Variants in C1orf21 observed in about 807,000 individuals in gnomAD.
The protein encoded by C1orf21 is uncharacterized protein C1orf21.
A neutral mutation model predicts 18.7 loss-of-function variants in C1orf21; 3 were observed. That is an observed-to-expected ratio of 0.16 (90% CI 0.07 to 0.42). The LOEUF is 0.42. Ranked by LOEUF, C1orf21 falls within the 10% of genes least tolerant of loss-of-function variation. C1orf21 has a pLI of 0.99. For synonymous variants in C1orf21, 41 were observed against 46.4 expected (o/e 0.88, Z 0.47); for missense variants, 104 against 143.6 (o/e 0.72, Z 1.41).
chr1:184,455,074 C>G (rs1174045258), intron 1 of C1orf21, among the ~76,000 whole-genome samples: 1 of 152,130 alleles, frequency 6.6e-6, no homozygotes, highest in Non-Finnish European at 1.5e-5. Flanking sequence ...CTCAGTGAAT[C>G]TGCATTTCTG....
At position 184,460,614 on chromosome 1, in the gene C1orf21, GTCGTCGTCTTCTTCTTCTTCTTCTTCT is replaced by G. The variant is rs1168906059; in HGVS notation, c.-124-16769_-124-16743del. On this transcript the variant is annotated intron_variant, in intron 1 of 5. Transcript: ENST00000235307. The stretch of plus-strand genomic sequence containing the variant: ...CTGGAGTTGGGCTGTTAGTATTGTC[GTCGTCGTCTTCTTCTTCTTCTTCTTCT>G]TCTTCTTCTTCTTCTTCTTCTTCTT... Among the ~76,000 whole-genome samples, 912 of 127,294 alleles carry G rather than the reference GTCGTCGTCTTCTTCTTCTTCTTCTTCT, an allele frequency of 7.2e-3. 9 individuals are homozygous for G. Among genetic ancestry groups the G allele is most frequent in the African/African-American group, 0.025 (668 of 27,032 alleles). 83.5% of individuals were successfully genotyped at this position (127,294 alleles called of 152,430 possible). A position where few individuals can be genotyped will look rare whatever the true frequency, so the allele number is the denominator to read the frequency against.
chr1:184,551,192 A>C (rs1362902092), intron 3 of C1orf21, among the ~76,000 whole-genome samples: 1 of 152,222 alleles, frequency 6.6e-6, no homozygotes, highest in Non-Finnish European at 1.5e-5. Context: ...AACTACACCA[A>C]AATAAACTCC....
intron 1 of C1orf21, among the ~76,000 whole-genome samples, chr1:184,410,663 A>T (rs371410110): frequency 0.43 from 3,315 of 7,696 alleles, 946 homozygotes; most frequent in African/African-American, 0.61. Flanking sequence ...ATATATATAT[A>T]TTTTTTTTTT....
chr1:184,475,761 G>C (rs1571375959), intron 1 of C1orf21, among the ~76,000 whole-genome samples: 2 of 151,482 alleles, frequency 1.3e-5, no homozygotes, highest in African/African-American at 4.9e-5. Flanking sequence ...GTGTGTGTGT[G>C]TGTGTGTGTG....
At chr1:184,613,343 C>A (rs1659768943) in intron 5 of C1orf21, among the ~76,000 whole-genome samples, 1 of 152,132 alleles carries the variant, frequency 6.6e-6, no homozygotes, top group African/African-American at 2.4e-5. Flanking sequence ...ACAAATCCCC[C>A]ATGGATAAGC....
chr1:184,623,373 G>A lies in C1orf21; in HGVS notation c.*3817G>A, dbSNP rs1051423296. The A allele has an allele frequency of 6.6e-6, 1 of 152,098 alleles. No individual in the cohort carries two copies. The highest frequency in any genetic ancestry group is 1.5e-5 in the Non-Finnish European group (1 of 68,020). The allele number at this position is 152,098 out of a possible 1,614,324, so 9.4% of individuals were successfully genotyped here. ...CCTCCCCTAAAGAAAAAGGATATTA[G>A]ATTGCACACTATAATTTTACATAAG... On this transcript the variant is annotated 3_prime_UTR_variant, in exon 6 of 6. Coordinates refer to ENST00000235307, the MANE Select transcript of C1orf21 (RefSeq NM_030806.4).
In C1orf21 at chr1:184,598,406, A is replaced by T; in HGVS notation, c.272A>T (p.His91Leu). Reference sequence around the variant, plus strand: ...AACTACCCTTTGTTTTTCAGCATGCACATCTCTGAAAGCCAACAAGAATTC... The same window carrying T: ...AACTACCCTTTGTTTTTCAGCATGCTCATCTCTGAAAGCCAACAAGAATTC... ...GLVHQPRANMHISESQQEFFR... is the reference protein window; with the variant it reads ...GLVHQPRANMLISESQQEFFR... Residue 91 changes from histidine (H) to leucine (L), a missense_variant, in exon 5 of 6, where the codon CAC (histidine) becomes CTC (leucine). Coordinates refer to ENST00000235307, the MANE Select transcript of C1orf21 (RefSeq NM_030806.4). 1 of 1,613,768 alleles carries T rather than the reference A, an allele frequency of 6.2e-7. No homozygotes were observed. The highest frequency in any genetic ancestry group is 8.5e-7 in the Non-Finnish European group (1 of 1,179,916).
At chr1:184,458,142 C>G (rs1282581718) in intron 1 of C1orf21, among the ~76,000 whole-genome samples, 1 of 152,124 alleles carries the variant, frequency 6.6e-6, no homozygotes, top group Non-Finnish European at 1.5e-5. Flanking sequence ...CGTTCTGGCT[C>G]TGTAGGTGAT....
Position 184,590,775 on chromosome 1 carries a change from A to G in C1orf21, c.226A>G (p.Asn76Asp), listed in dbSNP as rs1175132813. The change falls in exon 4 of 6, where the codon AAT becomes GAT. Residue 76 changes from asparagine (N) to aspartate (D), a missense_variant. Coordinates refer to ENST00000235307, the MANE Select transcript of C1orf21 (RefSeq NM_030806.4). ...SASSNVRLKT[N>D]KEVPGLVHQP... ...CAGCTCAAATGTAAGACTTAAAACT[A>G]ATAAAGAGGTTCCGGGATTAGTTCA... The G allele has an allele frequency of 1.2e-6, 2 of 1,614,010 alleles. No homozygotes were observed. Among genetic ancestry groups the G allele is most frequent in the East Asian group, 2.2e-5 (1 of 44,882 alleles).
rs183815719 is a variant in C1orf21 at position 184,416,405 on chromosome 1, T to C, written c.-125+29037T>C. On this transcript the variant is annotated intron_variant, in intron 1 of 5. Coordinates refer to ENST00000235307, the MANE Select transcript of C1orf21 (RefSeq NM_030806.4). ...CAGTTGACAGAAATCATTAATTTAA[T>C]TTAATTTAATTTATTATATATGTGC... Among the ~76,000 whole-genome samples, 439 of 151,534 alleles carry C rather than the reference T, an allele frequency of 2.9e-3. 5 individuals carry two copies. Among genetic ancestry groups the C allele is most frequent in the African/African-American group, 9.1e-3 (374 of 40,884 alleles).
chr1:184,619,571 C>T lies in C1orf21; in HGVS notation c.*15C>T. The T allele has an allele frequency of 6.2e-7, 1 of 1,613,086 alleles. No homozygotes were observed. Among genetic ancestry groups the T allele is most frequent in the Non-Finnish European group, 8.5e-7 (1 of 1,179,310 alleles). ...ATATCACATAGCACCAATTTTACCA[C>T]TCAAACCAGGAGCTACTACTGTGTA... On this transcript the variant is annotated 3_prime_UTR_variant, in exon 6 of 6. Coordinates refer to ENST00000235307, the MANE Select transcript of C1orf21 (RefSeq NM_030806.4).
intron 1 of C1orf21, among the ~76,000 whole-genome samples, chr1:184,434,093 G>A (rs1268487958): frequency 3.3e-5 from 5 of 152,042 alleles, no homozygotes; most frequent in Admixed American, 1.3e-4. Context: ...CTCTGGACCC[G>A]TCCTTCACTA....
At chr1:184,414,338 G>A (rs902264369) in intron 1 of C1orf21, among the ~76,000 whole-genome samples, 6 of 151,976 alleles carry the variant, frequency 3.9e-5, no homozygotes, top group Non-Finnish European at 7.4e-5. Context: ...TATGTTGCCC[G>A]GGCTGGTCTT....
chr1:184,572,098 G>A (rs1659120969), intron 3 of C1orf21, among the ~76,000 whole-genome samples: 1 of 152,154 alleles, frequency 6.6e-6, no homozygotes, highest in Admixed American at 6.5e-5. Flanking sequence ...TCAGGTGTCT[G>A]GCTCTTGGGA....
chr1:184,392,491 A>G (rs1387555858), intron 1 of C1orf21, among the ~76,000 whole-genome samples: 2 of 152,206 alleles, frequency 1.3e-5, no homozygotes, highest in East Asian at 1.9e-4. Flanking sequence ...ATTGGGCACA[A>G]TGTACACTAT....
At chr1:184,597,905 C>T (rs754439793) in intron 4 of C1orf21, among the ~76,000 whole-genome samples, 1 of 152,212 alleles carries the variant, frequency 6.6e-6, no homozygotes, top group African/African-American at 2.4e-5. Context: ...GTAGTAATAT[C>T]AGGTCATCTG....
At chr1:184,567,091 G>T in intron 3 of C1orf21, 1 of 484,868 alleles carries the variant, frequency 2.1e-6, no homozygotes. Context: ...ACAGTCAGGT[G>T]GCACAGTACT....
At chr1:184,453,577 C>G (rs1398156864) in intron 1 of C1orf21, among the ~76,000 whole-genome samples, 2 of 152,160 alleles carry the variant, frequency 1.3e-5, no homozygotes, top group Non-Finnish European at 2.9e-5. Flanking sequence ...TTAATATCCT[C>G]TCTTCTGTTC....
At chr1:184,427,429 T>G (rs761023782) in intron 1 of C1orf21, among the ~76,000 whole-genome samples, 1 of 152,156 alleles carries the variant, frequency 6.6e-6, no homozygotes, top group African/African-American at 2.4e-5. Flanking sequence ...TGTCCTGGAT[T>G]GCTTTTTTTT....
Sources: gnomAD v4.1 joint callset for allele counts (sites outside exome capture counted in the v4.1 genomes callset) on GRCh38, gnomAD v4.1.1 for gene constraint, MANE v1.5 for transcripts, NCBI Gene and HGNC (gene_info 2026-07-23, HGNC 2026-07-21) for gene names.